Variants in SPHK1 observed in about 807,000 individuals in gnomAD.
SPHK1 encodes the protein SK 1.
A neutral mutation model predicts 14.6 loss-of-function variants in SPHK1; 10 were observed. The observed-to-expected ratio is 0.68, with a 90% CI of 0.42 to 1.16. SPHK1 has a LOEUF of 1.16. SPHK1 is among the 50% of genes most tolerant of loss of function. The pLI, the probability that SPHK1 is intolerant of heterozygous loss-of-function variation, is 0.00. For missense variants in SPHK1, 553 were observed against 525.4 expected, an observed-to-expected ratio of 1.05 and a Z score of -0.51; for synonymous variants, 274 against 224.0, an observed-to-expected ratio of 1.22 and a Z score of -1.99.
Position 76,385,886 on chromosome 17 carries a change from G to T in SPHK1, c.11-99G>T. 1 of 1,493,264 alleles carries T rather than the reference G, an allele frequency of 6.7e-7. No homozygotes were observed. The highest frequency in any genetic ancestry group is 9.0e-7 in the Non-Finnish European group (1 of 1,116,850). The allele number at this position is 1,493,264 out of a possible 1,614,324, so 92.5% of individuals were successfully genotyped here. ...CCTCTGGCCAGGGTCAATTACCGGGGTGTTTCGGGCACCAAGTTCCCACAC... is the reference window on the plus strand; with the variant it reads ...CCTCTGGCCAGGGTCAATTACCGGGTTGTTTCGGGCACCAAGTTCCCACAC... On this transcript the variant is annotated intron_variant, in intron 2 of 5. Transcript: ENST00000592299. This position sits in a 1 kb window ranked among gnomAD's most constrained non-coding sequence, Gnocchi z 5.3.
chr17:76,387,158 G>A lies in SPHK1; in HGVS notation c.727G>A (p.Glu243Lys), dbSNP rs1598570810. The change falls in exon 6 of 6, where the codon GAG becomes AAG. Residue 243 changes from glutamate (E) to lysine (K), a missense_variant. Glu to Lys is a moderately conservative substitution (Grantham distance 56). Transcript: ENST00000592299. This position sits in a 1 kb window ranked among gnomAD's most constrained non-coding sequence, Gnocchi z 4.1. The stretch of plus-strand genomic sequence containing the variant: ...AGATGCACACCTTGTGCCACTGGAG[G>A]AGCCAGTGCCCTCTCACTGGACAGT... ...PVDAHLVPLE[E>K]PVPSHWTVVP... The A allele has an allele frequency of 1.2e-5, 20 of 1,613,234 alleles. No homozygotes were observed. The highest frequency in any genetic ancestry group is 7.7e-5 in the South Asian group (7 of 91,052).
In SPHK1 at chr17:76,386,479, G is replaced by A; in HGVS notation, c.345G>A (p.Ala115=). Residue 115 remains alanine (A), a synonymous_variant, in exon 5 of 6, where the codon GCG becomes GCA. Transcript: ENST00000592299. The surrounding 1 kb of genome is among the most constrained non-coding windows in gnomAD (Gnocchi z 5.3). The part of the protein sequence containing the change: ...LCSLPAGSGN[A]LAASLNHYAG... ...GCCTCCCAGCAGGCTCTGGCAACGC[G>A]CTGGCAGCTTCCTTGAACCATTATG... is the stretch of plus-strand genomic sequence containing the variant. 1 of 1,612,758 alleles carries A rather than the reference G, an allele frequency of 6.2e-7. No individual in the cohort carries two copies. Among genetic ancestry groups the A allele is most frequent in the Non-Finnish European group, 8.5e-7 (1 of 1,179,948 alleles).
rs1207755923 is a variant in SPHK1 at position 76,385,439 on chromosome 17, T to G, written c.-194-12T>G. On this transcript the variant is annotated splice_polypyrimidine_tract_variant and intron_variant, in intron 1 of 5. Transcript: ENST00000592299. The surrounding 1 kb of genome is among the most constrained non-coding windows in gnomAD (Gnocchi z 5.3). ...GCCCCGGACTCCGCCAGCGCTGTCT[T>G]CTCTCCCTCAGGTCCAGCCGCCGCA... is the stretch of plus-strand genomic sequence containing the variant. 12 of 1,523,632 alleles carry G rather than the reference T, an allele frequency of 7.9e-6. No homozygotes were observed. In the South Asian group the frequency reaches 1.3e-4, roughly 17 times the overall value. The allele number at this position is 1,523,632 out of a possible 1,614,324, so 94.4% of individuals were successfully genotyped here. A position where few individuals can be genotyped will look rare whatever the true frequency, so the allele number is the denominator to read the frequency against.
Position 76,387,598 on chromosome 17 carries a change from C to T in SPHK1, c.*12C>T, listed in dbSNP as rs758944762. ...AAGAGCCCTTATGACCCCTGGGCCG[C>T]GCTGTGCCTTAGTGTCTACTTGCAG... is the stretch of plus-strand genomic sequence containing the variant. On this transcript the variant is annotated 3_prime_UTR_variant, in exon 6 of 6. Transcript: ENST00000592299. The surrounding 1 kb of genome is among the most constrained non-coding windows in gnomAD (Gnocchi z 4.1). 9 of 1,565,590 alleles carry T rather than the reference C, an allele frequency of 5.7e-6. No individual in the cohort carries two copies. The highest frequency in any genetic ancestry group is 1.7e-5 in the Admixed American group (1 of 57,938).
At position 76,385,255 on chromosome 17, in the gene SPHK1, C is replaced by A. The variant is rs1485764141; in HGVS notation, c.-194-196C>A. ...CGAACCCCAAGCCCCAGGGAGAAAGCCCCGGAGCAGGCGCCCTTCTCAGGG... is the reference window on the plus strand; with the variant it reads ...CGAACCCCAAGCCCCAGGGAGAAAGACCCGGAGCAGGCGCCCTTCTCAGGG... On this transcript the variant is annotated intron_variant, in intron 1 of 5. Coordinates refer to ENST00000592299, the MANE Select transcript of SPHK1 (RefSeq NM_001142601.2). This position sits in a 1 kb window ranked among gnomAD's most constrained non-coding sequence, Gnocchi z 5.3. The A allele has an allele frequency of 6.6e-7, 1 of 1,518,094 alleles. No individual in the cohort carries two copies. The highest frequency in any genetic ancestry group is 2.5e-5 in the East Asian group (1 of 40,456). 94.0% of individuals were successfully genotyped at this position (1,518,094 alleles called of 1,614,324 possible). A position where few individuals can be genotyped will look rare whatever the true frequency, so the allele number is the denominator to read the frequency against.
upstream of SPHK1, chr17:76,384,011 A>G (rs1425857914): frequency 1.9e-6 from 1 of 525,084 alleles, no homozygotes; most frequent in Non-Finnish European, 2.8e-6. Flanking sequence ...AGTTAAAAAT[A>G]ACCTCCGTGG....
In SPHK1 at chr17:76,387,589, C is replaced by G. The variant is rs754013387; in HGVS notation, c.*3C>G. The stretch of plus-strand genomic sequence containing the variant: ...CACCGCCAGAAGAGCCCTTATGACC[C>G]CTGGGCCGCGCTGTGCCTTAGTGTC... On this transcript the variant is annotated 3_prime_UTR_variant, in exon 6 of 6. Coordinates refer to ENST00000592299, the MANE Select transcript of SPHK1 (RefSeq NM_001142601.2). This position sits in a 1 kb window ranked among gnomAD's most constrained non-coding sequence, Gnocchi z 4.1. 3 of 1,578,364 alleles carry G rather than the reference C, an allele frequency of 1.9e-6. No homozygotes were observed. In the African/African-American group the frequency reaches 4.0e-5, roughly 21 times the overall value.
In SPHK1 at chr17:76,386,549, GCTC is replaced by G. The variant is rs1567823498; in HGVS notation, c.374+45_374+47del. ...CAGAGTAGGCCTGTTTCCCGTCAGT[GCTC>G]CTCTACCGCGGGGGTTTTCTTGTCT... is the stretch of plus-strand genomic sequence containing the variant. On this transcript the variant is annotated intron_variant, in intron 5 of 5. Coordinates refer to ENST00000592299, the MANE Select transcript of SPHK1 (RefSeq NM_001142601.2). This position sits in a 1 kb window ranked among gnomAD's most constrained non-coding sequence, Gnocchi z 5.3. 1 of 1,558,860 alleles carries G rather than the reference GCTC, an allele frequency of 6.4e-7. No individual in the cohort carries two copies. Among genetic ancestry groups the G allele is most frequent in the Non-Finnish European group, 8.8e-7 (1 of 1,141,998 alleles).
At position 76,387,299 on chromosome 17, in the gene SPHK1, G is replaced by A. The variant is rs376807879; in HGVS notation, c.868G>A (p.Val290Met). 9.9e-6 allele frequency: 16 copies of A among 1,613,528 alleles called. No homozygotes were observed. The highest frequency in any genetic ancestry group is 8.0e-5 in the African/African-American group (6 of 74,880). Reference protein sequence around the residue: ...CAAGVMHLFYVRAGVSRAMLL... With the variant: ...CAAGVMHLFYMRAGVSRAMLL... ...AGCTGGCGTCATGCATCTGTTCTAC[G>A]TGCGGGCGGGAGTGTCTCGTGCCAT... The change falls in exon 6 of 6, where the codon GTG becomes ATG. Residue 290 changes from valine (V) to methionine (M), a missense_variant. Val to Met is a conservative substitution (Grantham distance 21). Transcript: ENST00000592299. The surrounding 1 kb of genome is among the most constrained non-coding windows in gnomAD (Gnocchi z 4.1).
Position 76,385,972 on chromosome 17 carries a change from TTTG to T in SPHK1, c.11-10_11-8del, listed in dbSNP as rs769249078. ...CGGTTGCGGACGTGGCCTCTTTGGTTTTGTTTTCTCAGCGGGCGGCCCCCGGGG... is the reference window on the plus strand; with the variant it reads ...CGGTTGCGGACGTGGCCTCTTTGGTTTTTTCTCAGCGGGCGGCCCCCGGGG... On this transcript the variant is annotated splice_polypyrimidine_tract_variant and intron_variant, in intron 2 of 5. Transcript: ENST00000592299. This position sits in a 1 kb window ranked among gnomAD's most constrained non-coding sequence, Gnocchi z 5.3. 3 of 1,592,190 alleles carry T rather than the reference TTTG, an allele frequency of 1.9e-6. No homozygotes were observed. The African/African-American group carries it at 4.0e-5, about 21-fold the overall frequency.
At chr17:76,384,914 G>T in intron 1 of SPHK1, 108 bp downstream of exon 1, 2 of 543,164 alleles carry the variant, frequency 3.7e-6, no homozygotes, top group Non-Finnish European at 6.1e-6. Context: ...GCAGGCGGCA[G>T]CTGGTGGCCC....
Position 76,385,742 on chromosome 17 carries a change from T to C in SPHK1, c.10+88T>C. ...GAACGCCCAGCTGGACGAAAGGGGC[T>C]GTGGACGATCGGGAGAAACATTATC... On this transcript the variant is annotated intron_variant, in intron 2 of 5. Coordinates refer to ENST00000592299, the MANE Select transcript of SPHK1 (RefSeq NM_001142601.2). This position sits in a 1 kb window ranked among gnomAD's most constrained non-coding sequence, Gnocchi z 5.3. The C allele has an allele frequency of 6.9e-7, 1 of 1,439,796 alleles. No individual in the cohort carries two copies. The highest frequency in any genetic ancestry group is 9.4e-7 in the Non-Finnish European group (1 of 1,061,954). 89.2% of individuals were successfully genotyped at this position (1,439,796 alleles called of 1,614,324 possible). A position where few individuals can be genotyped will look rare whatever the true frequency, so the allele number is the denominator to read the frequency against.
chr17:76,386,810 GAGC>G lies in SPHK1; in HGVS notation c.382_384del (p.Gln128del). The G allele has an allele frequency of 6.5e-7, 1 of 1,545,626 alleles. No homozygotes were observed. The highest frequency in any genetic ancestry group is 1.2e-5 in the South Asian group (1 of 80,056). ...TCTGACTTTTTCCCCCTGCAGCTAT[GAGC>G]AGGTCACCAATGAAGACCTCCTGAC... On this transcript the variant is annotated inframe_deletion, in exon 6 of 6. Transcript: ENST00000592299. The surrounding 1 kb of genome is among the most constrained non-coding windows in gnomAD (Gnocchi z 5.3).
chr17:76,387,604 G>A lies in SPHK1; in HGVS notation c.*18G>A. On this transcript the variant is annotated 3_prime_UTR_variant, in exon 6 of 6. Coordinates refer to ENST00000592299, the MANE Select transcript of SPHK1 (RefSeq NM_001142601.2). The surrounding 1 kb of genome is among the most constrained non-coding windows in gnomAD (Gnocchi z 4.1). The stretch of plus-strand genomic sequence containing the variant: ...CCTTATGACCCCTGGGCCGCGCTGT[G>A]CCTTAGTGTCTACTTGCAGGACCCT... The A allele has an allele frequency of 6.4e-7, 1 of 1,552,068 alleles. No individual in the cohort carries two copies. The highest frequency in any genetic ancestry group is 2.3e-5 in the East Asian group (1 of 44,316).
rs2143632901 is a variant in SPHK1 at position 76,386,580 on chromosome 17, G to A, written c.374+72G>A. 2 of 1,401,828 alleles carry A rather than the reference G, an allele frequency of 1.4e-6. No homozygotes were observed. The highest frequency in any genetic ancestry group is 2.0e-6 in the Non-Finnish European group (2 of 1,022,984). 86.8% of individuals were successfully genotyped at this position (1,401,828 alleles called of 1,614,324 possible). On this transcript the variant is annotated intron_variant, in intron 5 of 5. Transcript: ENST00000592299. The surrounding 1 kb of genome is among the most constrained non-coding windows in gnomAD (Gnocchi z 5.3). ...CTACCGCGGGGGTTTTCTTGTCTAA[G>A]CTCCCATAGGCTGAGATCATTTCCA...
In SPHK1 at chr17:76,387,055, C is replaced by G; in HGVS notation, c.624C>G (p.Gly208=). The change falls in exon 6 of 6, where the codon GGC becomes GGG. Residue 208 remains glycine (G), a synonymous_variant. Coordinates refer to ENST00000592299, the MANE Select transcript of SPHK1 (RefSeq NM_001142601.2). The surrounding 1 kb of genome is among the most constrained non-coding windows in gnomAD (Gnocchi z 4.1). ...TGGCAGCCCTGCGCACCTACCGCGG[C>G]CGACTGGCCTACCTCCCTGTAGGAA... The part of the protein sequence containing the change: ...LRLAALRTYR[G]RLAYLPVGRV... 2 of 1,613,546 alleles carry G rather than the reference C, an allele frequency of 1.2e-6. No homozygotes were observed. The highest frequency in any genetic ancestry group is 2.2e-5 in the South Asian group (2 of 91,090).
Position 76,386,310 on chromosome 17 carries a change from C to T in SPHK1, c.253C>T (p.His85Tyr), listed in dbSNP as rs1295116720. Reference sequence around the variant, plus strand: ...GGTCATGTCTGGAGACGGGCTGATGCACGAGGTGAGGACCGCACTGCGCGG... The same window carrying T: ...GGTCATGTCTGGAGACGGGCTGATGTACGAGGTGAGGACCGCACTGCGCGG... The part of the protein sequence containing the change: ...LVVMSGDGLM[H>Y]EVVNGLMERP... Residue 85 changes from histidine to tyrosine, a missense_variant, in exon 4 of 6, where the codon CAC becomes TAC. Transcript: ENST00000592299. The surrounding 1 kb of genome is among the most constrained non-coding windows in gnomAD (Gnocchi z 5.3). 6.2e-7 allele frequency: 1 copy of T among 1,605,190 alleles called. No homozygotes were observed. The highest frequency in any genetic ancestry group is 1.3e-5 in the African/African-American group (1 of 75,032).
chr17:76,387,028 T>C lies in SPHK1; in HGVS notation c.597T>C (p.Arg199=), dbSNP rs138977514. 2.9e-3 allele frequency: 4,610 copies of C among 1,613,624 alleles called. 13 individuals are homozygous for C. The highest frequency in any genetic ancestry group is 3.7e-3 in the South Asian group (333 of 91,088). The change falls in exon 6 of 6, where the codon CGT becomes CGC. Residue 199 remains arginine (R), a synonymous_variant. Transcript: ENST00000592299. This position sits in a 1 kb window ranked among gnomAD's most constrained non-coding sequence, Gnocchi z 4.1. The part of the protein sequence containing the change: ...EMRFTLGTFL[R]LAALRTYRGR... ...GCTTCACTCTGGGCACCTTCCTGCGTCTGGCAGCCCTGCGCACCTACCGCG... is the reference window on the plus strand; with the variant it reads ...GCTTCACTCTGGGCACCTTCCTGCGCCTGGCAGCCCTGCGCACCTACCGCG...
chr17:76,384,035 G>A (rs1347556170), upstream of SPHK1: 5 of 362,720 alleles, frequency 1.4e-5, no homozygotes, highest in South Asian at 9.4e-5. Flanking sequence ...CGCGGGGGAG[G>A]AAGAAAGAGG....
Sources: allele counts gnomAD v4.1 joint callset, GRCh38; gene constraint gnomAD v4.1.1; non-coding constraint Gnocchi (gnomAD v3.1); transcripts MANE v1.5; gene names NCBI Gene and HGNC (gene_info 2026-07-23, HGNC 2026-07-21).